SLC75A1: variants seen among roughly 807,000 people sequenced by gnomAD.
SLC75A1 encodes solute carrier family 75 member 1.
chr4:2,934,754 G>C, the SLC75A1 span: 1 of 66,754 alleles, frequency 1.5e-5, no homozygotes, highest in Admixed American at 1.8e-4. Flanking sequence ...GGGCGCCCCC[G>C]GTCCCGCCCC....
chr4:2,932,076 G>A, the SLC75A1 span: 71 of 1,611,058 alleles, frequency 4.4e-5, no homozygotes, highest in Non-Finnish European at 5.4e-5. Context: ...GGCCACGAGC[G>A]ACAGCCGAGA....
At chr4:2,931,429 C>T in the SLC75A1 span, 97 of 1,557,392 alleles carry the variant, frequency 6.2e-5, no homozygotes, top group Middle Eastern at 3.0e-3. Flanking sequence ...CGTCCCCAGC[C>T]GATGAGGAGG....
the SLC75A1 span, chr4:2,932,763 C>T: frequency 1.3e-6 from 2 of 1,551,538 alleles, no homozygotes; most frequent in Middle Eastern, 1.7e-4. Context: ...ACCCATCTGC[C>T]CAGGGGCAGG....
chr4:2,932,432 G>C, the SLC75A1 span: 1 of 1,613,754 alleles, frequency 6.2e-7, no homozygotes, highest in Non-Finnish European at 8.5e-7. Context: ...GGGCAAACCA[G>C]GGTGCCATTT....
the SLC75A1 span, chr4:2,932,727 G>A: frequency 1.9e-6 from 3 of 1,589,914 alleles, no homozygotes; most frequent in Non-Finnish European, 2.6e-6. Context: ...CCGAGAGGTG[G>A]CCCAGACTGC....
the SLC75A1 span, chr4:2,931,359 G>A: frequency 1.3e-6 from 2 of 1,546,920 alleles, no homozygotes; most frequent in African/African-American, 1.4e-5. Context: ...TCCCCTGCCA[G>A]GGCAGGGCCA....
chr4:2,933,794 G>A, the SLC75A1 span: 1 of 1,592,834 alleles, frequency 6.3e-7, no homozygotes. Flanking sequence ...GGCAGCAGGG[G>A]CAGCAGCAGC....
chr4:2,931,749 G>A, the SLC75A1 span: 2 of 1,543,756 alleles, frequency 1.3e-6, no homozygotes. Context: ...AAGGCTTCCT[G>A]GGGATGGGGG....
chr4:2,933,422 C>T, the SLC75A1 span: 97 of 985,122 alleles, frequency 9.8e-5, 1 homozygote, highest in African/African-American at 1.5e-3. Flanking sequence ...GCCCAGAAGC[C>T]AGGACATGTG....
the SLC75A1 span, chr4:2,931,415 A>G: frequency 1.3e-6 from 2 of 1,553,140 alleles, no homozygotes; most frequent in Non-Finnish European, 1.7e-6. Context: ...GCACGGGCAG[A>G]GAACGTCCCC....
the SLC75A1 span, chr4:2,934,437 C>T: frequency 6.8e-6 from 1 of 146,830 alleles, no homozygotes; most frequent in Admixed American, 6.7e-5. Context: ...GCGCCTCCCA[C>T]TCCGCCATCC....
At chr4:2,932,315 G>A in the SLC75A1 span, 1 of 1,597,030 alleles carries the variant, frequency 6.3e-7, no homozygotes, top group South Asian at 1.1e-5. Context: ...CAAGCCTCCA[G>A]CCCCTAGGCC....
the SLC75A1 span, chr4:2,931,003 G>T: frequency 6.2e-7 from 1 of 1,612,202 alleles, no homozygotes; most frequent in South Asian, 1.1e-5. Flanking sequence ...CTGGCACTTG[G>T]GAGGCGAGGG....
chr4:2,932,718 C>A, the SLC75A1 span: 1 of 1,597,404 alleles, frequency 6.3e-7, no homozygotes, highest in Admixed American at 1.7e-5. Flanking sequence ...CGCAAAGCTC[C>A]GAGAGGTGGC....
At chr4:2,933,504 T>G in the SLC75A1 span, 1 of 1,559,744 alleles carries the variant, frequency 6.4e-7, no homozygotes, top group Non-Finnish European at 8.8e-7. Context: ...GGGCCTGGGC[T>G]GGACCACGTC....
At chr4:2,934,280 C>G in the SLC75A1 span, 3 of 283,080 alleles carry the variant, frequency 1.1e-5, no homozygotes, top group Non-Finnish European at 2.0e-5. Flanking sequence ...GCGGGGAACC[C>G]GGATCCCGAT....
the SLC75A1 span, chr4:2,934,166 A>G: frequency 3.4e-6 from 2 of 581,636 alleles, no homozygotes; most frequent in Non-Finnish European, 6.1e-6. Flanking sequence ...CCGCAAAGGC[A>G]ACGGTCCTGA....
chr4:2,933,439 G>A, the SLC75A1 span: 4 of 1,070,114 alleles, frequency 3.7e-6, no homozygotes, highest in East Asian at 5.0e-5. Flanking sequence ...TGTGGGCAAG[G>A]GCACCAGACA....
At chr4:2,931,622 A>G in the SLC75A1 span, 3 of 1,613,654 alleles carry the variant, frequency 1.9e-6, no homozygotes, top group Non-Finnish European at 8.5e-7. Context: ...GATGGTGGCC[A>G]TGGTGAGGCC....
Sources: allele counts gnomAD v4.1 joint callset, GRCh38; gene constraint gnomAD v4.1.1; transcripts MANE v1.5; gene names NCBI Gene and HGNC (gene_info 2026-07-23, HGNC 2026-07-21).